The following XRCC5 variants were observed in gnomAD, a reference collection of about 807,000 sequenced individuals.
XRCC5 encodes DNA repair protein Ku80.
Under a neutral mutation model 95.7 loss-of-function variants are expected in XRCC5, and 12 were observed. The ratio of observed to expected loss-of-function variants is 0.13; its 90% CI spans 0.08 to 0.20. The LOEUF is 0.20. Among genes scored for constraint, XRCC5 ranks in the 10% least tolerant of loss-of-function variants. XRCC5 has a pLI of 1.00. For synonymous variants in XRCC5, 281 were observed against 290.3 expected (o/e 0.97, Z 0.33); for missense variants, 595 against 873.9 (o/e 0.68, Z 4.02).
intron 16 of XRCC5, chr2:216,175,993 A>G (rs1010344591): frequency 3.8e-6 from 1 of 264,678 alleles, no homozygotes; most frequent in Non-Finnish European, 7.2e-6. Flanking sequence ...CAACGGCCAG[A>G]GTCAGCCTAG....
chr2:216,152,586 G>C (rs553992356), intron 14 of XRCC5, among the ~76,000 whole-genome samples: 37 of 151,460 alleles, frequency 2.4e-4, no homozygotes, highest in African/African-American at 8.7e-4. Flanking sequence ...GTGAAATAGG[G>C]TATTTATTTC....
chr2:216,203,703 A>G (rs1056360530), intron 19 of XRCC5, among the ~76,000 whole-genome samples: 15 of 152,214 alleles, frequency 9.9e-5, no homozygotes, highest in African/African-American at 3.1e-4. Flanking sequence ...TTTTCAAACA[A>G]TTTCTAACAC....
chr2:216,187,821 A>ACACACACACACACACACACACTCT (rs1312215177), intron 16 of XRCC5, among the ~76,000 whole-genome samples: 1 of 47,970 alleles, frequency 2.1e-5, no homozygotes, highest in African/African-American at 1.0e-4. Flanking sequence ...ACACACACAC[A>ACACACACACACACACACACACTCT]CTCTCTCTCT....
intron 2 of XRCC5, among the ~76,000 whole-genome samples, chr2:216,113,617 A>C (rs1696633716): frequency 6.6e-6 from 1 of 152,172 alleles, no homozygotes; most frequent in African/African-American, 2.4e-5. Context: ...TTCTCTATTG[A>C]GGCCTCTTAC....
intron 19 of XRCC5, among the ~76,000 whole-genome samples, chr2:216,202,756 G>A (rs183032344): frequency 3.9e-5 from 6 of 152,262 alleles, no homozygotes; most frequent in East Asian, 1.9e-4. Context: ...TCTTAACTGA[G>A]GGAAAAAAAG....
At chr2:216,146,458 A>ATAGGAGCAGTATGTTGT in intron 13 of XRCC5, among the ~76,000 whole-genome samples, 1 of 148,500 alleles carries the variant, frequency 6.7e-6, no homozygotes, top group African/African-American at 2.6e-5. Context: ...CAGTATTTTG[A>ATAGGAGCAGTATGTTGT]AATTACAGGA....
At position 216,109,411 on chromosome 2, in the gene XRCC5, G is replaced by C. The variant is rs754611863; in HGVS notation, c.-26G>C. The C allele has an allele frequency of 1.9e-6, 3 of 1,613,754 alleles. No homozygotes were observed. The highest frequency in any genetic ancestry group is 2.5e-6 in the Non-Finnish European group (3 of 1,179,868). Reference sequence around the variant, plus strand: ...CGGCAGGTTCCCGCCCGGAAGAAGCGACCAAAGCGCCTGAGGACCGGCAAC... The same window carrying C: ...CGGCAGGTTCCCGCCCGGAAGAAGCCACCAAAGCGCCTGAGGACCGGCAAC... On this transcript the variant is annotated 5_prime_UTR_variant, in exon 1 of 21. Transcript: ENST00000392132.
intron 16 of XRCC5, among the ~76,000 whole-genome samples, chr2:216,169,331 G>A (rs763914472): frequency 6.6e-6 from 1 of 152,212 alleles, no homozygotes; most frequent in Non-Finnish European, 1.5e-5. Flanking sequence ...TACATCAAAA[G>A]GTCTTTTCAG....
At chr2:216,204,277 G>GA (rs763828991) in intron 19 of XRCC5, 45 bp from the exon 20 acceptor site, 2 of 1,611,072 alleles carry the variant, frequency 1.2e-6, no homozygotes, top group East Asian at 4.5e-5. Flanking sequence ...CTTTCAAAGG[G>GA]GCAAAAATAT....
Position 216,113,006 on chromosome 2 carries a change from T to C in XRCC5, c.22-10T>C, listed in dbSNP as rs182171056. ...ATTTTCTCAAACACTCTTTGGAACTTTGTTTCCAGGCAGCTGTTGTGCTGT... is the reference window on the plus strand; with the variant it reads ...ATTTTCTCAAACACTCTTTGGAACTCTGTTTCCAGGCAGCTGTTGTGCTGT... On this transcript the variant is annotated splice_polypyrimidine_tract_variant and intron_variant, in intron 1 of 20. Transcript: ENST00000392132. 2.1e-4 allele frequency: 332 copies of C among 1,606,686 alleles called. 2 individuals are homozygous for C. The African/African-American group carries it at 3.9e-3, about 19-fold the overall frequency.
At chr2:216,144,168 A>G (rs1559246232) in intron 13 of XRCC5, among the ~76,000 whole-genome samples, 1 of 152,232 alleles carries the variant, frequency 6.6e-6, no homozygotes, top group Non-Finnish European at 1.5e-5. Context: ...CTGAGGAATT[A>G]GCATTTGGAC....
intron 13 of XRCC5, among the ~76,000 whole-genome samples, chr2:216,147,028 T>C (rs1290364385): frequency 6.6e-6 from 1 of 151,928 alleles, no homozygotes; most frequent in Non-Finnish European, 1.5e-5. Context: ...TTTTAGATAA[T>C]GATGGAGCCT....
intron 14 of XRCC5, among the ~76,000 whole-genome samples, chr2:216,155,589 A>G (rs1315006949): frequency 6.6e-6 from 1 of 152,232 alleles, no homozygotes; most frequent in Non-Finnish European, 1.5e-5. Flanking sequence ...TGTACTCGTC[A>G]CTAGGGGAAA....
chr2:216,187,521 T>TGTGTGTGTGTG (rs1559261059), intron 16 of XRCC5, among the ~76,000 whole-genome samples: 5 of 134,732 alleles, frequency 3.7e-5, no homozygotes, highest in Non-Finnish European at 6.3e-5. Context: ...TGTGTGTGTG[T>TGTGTGTGTGTG]TCTATCATAT....
At chr2:216,173,222 T>C (rs1689204390) in intron 16 of XRCC5, among the ~76,000 whole-genome samples, 1 of 151,952 alleles carries the variant, frequency 6.6e-6, no homozygotes, top group African/African-American at 2.4e-5. Flanking sequence ...TCTTTCTTTT[T>C]TTTTAATTAT....
At chr2:216,165,062 C>T (rs181605952) in intron 16 of XRCC5, among the ~76,000 whole-genome samples, 29 of 152,302 alleles carry the variant, frequency 1.9e-4, no homozygotes, top group African/African-American at 7.0e-4. Context: ...CTCCATTTTA[C>T]TGATGGATAA....
chr2:216,140,330 C>T (rs1697151879), intron 12 of XRCC5, among the ~76,000 whole-genome samples: 1 of 152,218 alleles, frequency 6.6e-6, no homozygotes, highest in South Asian at 2.1e-4. Context: ...TGCCTGGTGA[C>T]TGTGAATGTT....
At chr2:216,125,599 C>G (rs1696888811) in intron 6 of XRCC5, among the ~76,000 whole-genome samples, 1 of 152,132 alleles carries the variant, frequency 6.6e-6, no homozygotes, top group African/African-American at 2.4e-5. Context: ...TTATCACATC[C>G]TCAAAGGTGT....
chr2:216,172,887 A>C (rs58406505), intron 16 of XRCC5, among the ~76,000 whole-genome samples: 12,030 of 152,246 alleles, frequency 0.079, 582 homozygotes, highest in Admixed American at 0.13. Flanking sequence ...AACATGGAAT[A>C]GTTACTCATT....
Sources: allele counts gnomAD v4.1 joint callset (sites outside exome capture counted in the v4.1 genomes callset), GRCh38; gene constraint gnomAD v4.1.1; transcripts MANE v1.5; gene names NCBI Gene and HGNC (gene_info 2026-07-23, HGNC 2026-07-21).